SDK2: variants seen among roughly 807,000 people sequenced by gnomAD.
SDK2 encodes sidekick cell adhesion molecule 2, also known as protein sidekick-2.
A neutral mutation model predicts 253.9 loss-of-function variants in SDK2; 105 were observed. The observed-to-expected ratio is 0.41, with a 90% CI of 0.35 to 0.49. SDK2 has a LOEUF of 0.49. Among genes scored for constraint, SDK2 ranks in the 20% least tolerant of loss-of-function variants. The pLI, the probability that SDK2 is intolerant of heterozygous loss-of-function variation, is 0.06. For missense variants in SDK2, 2,608 were observed against 3,003.0 expected (o/e 0.87, Z 3.07); for synonymous variants, 1,249 against 1,234.9 (o/e 1.01, Z -0.24).
chr17:73,454,476 G>A (rs1419215010), intron 4 of SDK2, among the ~76,000 whole-genome samples: 1 of 152,190 alleles, frequency 6.6e-6, no homozygotes, highest in Non-Finnish European at 1.5e-5. Context: ...TGTAAAACGG[G>A]GAGAAACCCA....
At chr17:73,369,461 G>C (rs975202204) in intron 36 of SDK2, among the ~76,000 whole-genome samples, 2 of 152,244 alleles carry the variant, frequency 1.3e-5, no homozygotes, top group South Asian at 2.1e-4. Context: ...ATACAGCAGC[G>C]GGACCTGGCC....
At chr17:73,497,855 A>AATGT (rs2063855470) in intron 2 of SDK2, among the ~76,000 whole-genome samples, 1 of 152,180 alleles carries the variant, frequency 6.6e-6, no homozygotes, top group Non-Finnish European at 1.5e-5. Flanking sequence ...AAGAGAGCTA[A>AATGT]ACGCCCCTAC....
At position 73,336,008 on chromosome 17, in the gene SDK2, G is replaced by A. The variant is rs984042736; in HGVS notation, c.*2579C>T. On this transcript the variant is annotated 3_prime_UTR_variant, in exon 45 of 45. Coordinates refer to ENST00000392650, the MANE Select transcript of SDK2 (RefSeq NM_001144952.2). Reference sequence around the variant, plus strand: ...ACCAGGTGATTCATTAAAGGCAAAGGAAAATTGACCTCATGTGCAATATAT... The same window carrying A: ...ACCAGGTGATTCATTAAAGGCAAAGAAAAATTGACCTCATGTGCAATATAT... 6.6e-6 allele frequency: 1 copy of A among 152,150 alleles called. No individual in the cohort carries two copies. The highest frequency in any genetic ancestry group is 1.5e-5 in the Non-Finnish European group (1 of 68,024). 9.4% of individuals were successfully genotyped at this position (152,150 alleles called of 1,614,324 possible).
intron 2 of SDK2, among the ~76,000 whole-genome samples, chr17:73,499,952 CGATTTT>C (rs1389957585): frequency 1.3e-5 from 2 of 150,454 alleles, no homozygotes; most frequent in Admixed American, 6.6e-5. Context: ...TTCTTCTATT[CGATTTT>C]AAGTGTGAGA....
chr17:73,357,792 A>G, intron 40 of SDK2: 4 of 523,544 alleles, frequency 7.6e-6, no homozygotes, highest in South Asian at 7.2e-5. Context: ...CACGTGAGCC[A>G]CGTGCTCAGG....
intron 1 of SDK2, among the ~76,000 whole-genome samples, chr17:73,521,830 T>C (rs1246611591): frequency 6.6e-6 from 1 of 152,212 alleles, no homozygotes; most frequent in East Asian, 1.9e-4. Context: ...CCTCCCTTGC[T>C]GGGTTTTGTT....
intron 6 of SDK2, among the ~76,000 whole-genome samples, chr17:73,439,569 G>A (rs2063398155): frequency 6.6e-6 from 1 of 152,082 alleles, no homozygotes; most frequent in Non-Finnish European, 1.5e-5. Flanking sequence ...AAAAAATGCT[G>A]CTACAGGACA....
At chr17:73,371,063 C>G (rs985585106) in intron 36 of SDK2, among the ~76,000 whole-genome samples, 2 of 152,046 alleles carry the variant, frequency 1.3e-5, no homozygotes, top group African/African-American at 4.8e-5. Flanking sequence ...GACTCCATCT[C>G]TAAAATAACA....
At chr17:73,438,912 A>G (rs1190283351) in intron 6 of SDK2, among the ~76,000 whole-genome samples, 1 of 152,178 alleles carries the variant, frequency 6.6e-6, no homozygotes, top group Non-Finnish European at 1.5e-5. Context: ...CTTGAGTGAC[A>G]GTAGCTTGAG....
At chr17:73,634,557 A>G (rs1266349846) in intron 1 of SDK2, among the ~76,000 whole-genome samples, 2 of 152,230 alleles carry the variant, frequency 1.3e-5, no homozygotes, top group Non-Finnish European at 2.9e-5. Flanking sequence ...ATAATAGCTT[A>G]ATAGGTGGGT....
At position 73,350,209 on chromosome 17, in the gene SDK2, C is replaced by CT. The variant is rs760646905; in HGVS notation, c.6038+27_6038+28insA. 4.6e-6 allele frequency: 7 copies of CT among 1,528,870 alleles called. 1 individual carries two copies. Among genetic ancestry groups the CT allele is most frequent in the South Asian group, 2.5e-5 (2 of 80,572 alleles). The allele number at this position is 1,528,870 out of a possible 1,614,324, so 94.7% of individuals were successfully genotyped here. On this transcript the variant is annotated intron_variant, in intron 43 of 44. Coordinates refer to ENST00000392650, the MANE Select transcript of SDK2 (RefSeq NM_001144952.2). ...CCCACCTGGGCACTGCTGGGCCTGG[C>CT]CCCCAACCCACGCAGAGGGCCCAGT...
At chr17:73,563,094 G>A (rs552877518) in intron 1 of SDK2, among the ~76,000 whole-genome samples, 7 of 152,354 alleles carry the variant, frequency 4.6e-5, no homozygotes, top group Admixed American at 2.0e-4. Context: ...GCCATTGCTG[G>A]CGAGGAGGCT....
At chr17:73,583,043 C>T (rs1260430670) in intron 1 of SDK2, among the ~76,000 whole-genome samples, 1 of 152,196 alleles carries the variant, frequency 6.6e-6, no homozygotes, top group Non-Finnish European at 1.5e-5. Flanking sequence ...CTTTGCATAC[C>T]AACTCCTATG....
At chr17:73,375,033 C>T (rs1285322048) in intron 36 of SDK2, among the ~76,000 whole-genome samples, 13 of 152,066 alleles carry the variant, frequency 8.5e-5, no homozygotes, top group Admixed American at 4.6e-4. Context: ...GCTCCAGCCC[C>T]GGCTTTCCCA....
Position 73,612,227 on chromosome 17 carries a change from C to G in SDK2, c.64+31798G>C, listed in dbSNP as rs541129312. ...TGGTGGCCCAGCTGCACCCGGGCTG[C>G]AGGCCGGCCCCCCACGGTCCCCCAC... On this transcript the variant is annotated intron_variant, in intron 1 of 44. Transcript: ENST00000392650. This position sits in a 1 kb window ranked among gnomAD's most constrained non-coding sequence, Gnocchi z 4.4. 7.2e-5 allele frequency among the ~76,000 whole-genome samples: 11 copies of G among 152,306 alleles called. No individual in the cohort carries two copies. In the East Asian group the frequency reaches 1.9e-3, roughly 27 times the overall value.
chr17:73,550,896 A>G (rs2045046191), intron 1 of SDK2, among the ~76,000 whole-genome samples: 1 of 152,096 alleles, frequency 6.6e-6, no homozygotes, highest in Admixed American at 6.5e-5. Flanking sequence ...GTCATGAGCC[A>G]AACGCAGCTG....
chr17:73,441,760 G>C (rs1330762460), intron 5 of SDK2, among the ~76,000 whole-genome samples: 1 of 152,212 alleles, frequency 6.6e-6, no homozygotes, highest in Non-Finnish European at 1.5e-5. Context: ...GTAGTACTTT[G>C]TTGTGCAGGC....
intron 1 of SDK2, among the ~76,000 whole-genome samples, chr17:73,543,673 G>A (rs951069321): frequency 1.3e-5 from 2 of 152,266 alleles, no homozygotes; most frequent in Non-Finnish European, 2.9e-5. Context: ...TGGTGCATGG[G>A]CACTGCCCTT....
In SDK2 at chr17:73,447,478, G is replaced by GT; in HGVS notation, c.613+136_613+137insA. On this transcript the variant is annotated intron_variant, in intron 5 of 44. Coordinates refer to ENST00000392650, the MANE Select transcript of SDK2 (RefSeq NM_001144952.2). This position sits in a 1 kb window ranked among gnomAD's most constrained non-coding sequence, Gnocchi z 4.0. ...CTCTGCTGTGTCTCGTCCTCCTTGG[G>GT]AAGGCTCCCCCCGGCCGTCCCCTAG... The GT allele has an allele frequency of 3.1e-6, 4 of 1,282,050 alleles. No individual in the cohort carries two copies. Among genetic ancestry groups the GT allele is most frequent in the Non-Finnish European group, 4.3e-6 (4 of 923,762 alleles). 79.4% of individuals were successfully genotyped at this position (1,282,050 alleles called of 1,614,324 possible).
Sources: allele counts gnomAD v4.1 joint callset (sites outside exome capture counted in the v4.1 genomes callset), GRCh38; gene constraint gnomAD v4.1.1; non-coding constraint Gnocchi (gnomAD v3.1); transcripts MANE v1.5; gene names NCBI Gene and HGNC (gene_info 2026-07-23, HGNC 2026-07-21).